Variants in GPR158 observed in about 807,000 individuals in gnomAD.
GPR158 encodes G protein-coupled receptor 158, also known as metabotropic glycine receptor.
Under a neutral mutation model 78.2 loss-of-function variants are expected in GPR158, and 30 were observed. The ratio of observed to expected loss-of-function variants is 0.38; its 90% confidence interval spans 0.29 to 0.52. The LOEUF (loss-of-function observed/expected upper bound fraction) is 0.52. GPR158 is among the 20% of genes least tolerant of loss of function. The pLI is 0.83. For missense variants in GPR158, 1,463 were observed against 1,523.5 expected (o/e 0.96, Z 0.66); for synonymous variants, 581 against 591.1 (o/e 0.98, Z 0.25).
chr10:25,548,917 A>G (rs1369625080), intron 5 of GPR158, among the ~76,000 whole-genome samples: 1 of 152,182 alleles, frequency 6.6e-6, no homozygotes, highest in African/African-American at 2.4e-5. Flanking sequence ...TCTGTGAAAT[A>G]AAAAGTTTGA....
chr10:25,441,260 G>C (rs1220056052), intron 4 of GPR158, among the ~76,000 whole-genome samples: 1 of 152,156 alleles, frequency 6.6e-6, no homozygotes. Flanking sequence ...CTGGCTACCT[G>C]CTTCTATTTA....
intron 5 of GPR158, among the ~76,000 whole-genome samples, chr10:25,529,684 G>C (rs1836397629): frequency 6.6e-6 from 1 of 152,212 alleles, no homozygotes; most frequent in Admixed American, 6.5e-5. Context: ...AAATCACTTA[G>C]ATGTGAAGAT....
chr10:25,242,497 T>C (rs1246448532), intron 2 of GPR158, among the ~76,000 whole-genome samples: 1 of 152,244 alleles, frequency 6.6e-6, no homozygotes, highest in African/African-American at 2.4e-5. Context: ...TTGTCTATGC[T>C]AATAGGAAAG....
At chr10:25,527,113 CATA>C (rs1409072557) in intron 5 of GPR158, among the ~76,000 whole-genome samples, 13 of 151,486 alleles carry the variant, frequency 8.6e-5, no homozygotes, top group African/African-American at 2.9e-4. Flanking sequence ...CATATATGCA[CATA>C]ATAATAGAGC....
chr10:25,246,842 T>C (rs997183006), intron 2 of GPR158, among the ~76,000 whole-genome samples: 1 of 152,222 alleles, frequency 6.6e-6, no homozygotes, highest in East Asian at 1.9e-4. Context: ...ATCCTTTTCA[T>C]AGTACCTTTA....
At chr10:25,421,009 A>G (rs1272341137) in intron 4 of GPR158, among the ~76,000 whole-genome samples, 3 of 152,140 alleles carry the variant, frequency 2.0e-5, no homozygotes, top group Non-Finnish European at 2.9e-5. Flanking sequence ...TATTGCTGGG[A>G]TTTTGATCAA....
chr10:25,579,349 A>G (rs1837154649), intron 7 of GPR158, among the ~76,000 whole-genome samples: 1 of 152,192 alleles, frequency 6.6e-6, no homozygotes, highest in Non-Finnish European at 1.5e-5. Context: ...TAACTGTTAT[A>G]ATTTCACCCC....
At chr10:25,362,819 G>A (rs561152517) in intron 2 of GPR158, among the ~76,000 whole-genome samples, 3 of 151,954 alleles carry the variant, frequency 2.0e-5, no homozygotes, top group South Asian at 2.1e-4. Context: ...TCATTTATTA[G>A]TTCTAACAGA....
At chr10:25,261,215 C>T (rs1320531771) in intron 2 of GPR158, among the ~76,000 whole-genome samples, 2 of 152,100 alleles carry the variant, frequency 1.3e-5, no homozygotes, top group Non-Finnish European at 2.9e-5. Context: ...AGGTTAAGAA[C>T]AACTGCTTAA....
At chr10:25,501,195 C>G (rs991903774) in intron 5 of GPR158, among the ~76,000 whole-genome samples, 2 of 152,012 alleles carry the variant, frequency 1.3e-5, no homozygotes, top group African/African-American at 4.8e-5. Flanking sequence ...AGAGAGTTGC[C>G]GGGAGTGGGA....
At position 25,175,814 on chromosome 10, in the gene GPR158, G is replaced by A. The variant is rs1411470528; in HGVS notation, c.394G>A (p.Ala132Thr). ...LHRALDTLTHATNFLNVMLQS... is the reference protein window; with the variant it reads ...LHRALDTLTHTTNFLNVMLQS... ...CCGGGCGCTGGACACACTGACACAC[G>A]CCACCAACTTCCTCAACGTGATGCT... Residue 132 changes from alanine to threonine, a missense_variant, in exon 1 of 11, where the codon GCC (alanine) becomes ACC (threonine). Physicochemically the swap from Ala to Thr is moderately conservative, Grantham distance 58 (BLOSUM62 0). Transcript: ENST00000376351. This position sits in a 1 kb window ranked among gnomAD's most constrained non-coding sequence, Gnocchi z 6.4. 1 of 1,612,380 alleles carries A rather than the reference G, an allele frequency of 6.2e-7. No individual in the cohort carries two copies. The highest frequency in any genetic ancestry group is 8.5e-7 in the Non-Finnish European group (1 of 1,179,980).
At chr10:25,515,619 G>A (rs910523216) in intron 5 of GPR158, among the ~76,000 whole-genome samples, 38 of 115,466 alleles carry the variant, frequency 3.3e-4, no homozygotes, top group Middle Eastern at 4.3e-3. Context: ...AATATGCGGT[G>A]TTTGGTTTTT....
intron 4 of GPR158, among the ~76,000 whole-genome samples, chr10:25,449,248 G>A (rs933557907): frequency 6.6e-6 from 1 of 152,118 alleles, no homozygotes; most frequent in Non-Finnish European, 1.5e-5. Flanking sequence ...TGATAATGAT[G>A]TCTCATTTTC....
At chr10:25,484,417 C>T (rs1321323978) in intron 5 of GPR158, among the ~76,000 whole-genome samples, 4 of 152,166 alleles carry the variant, frequency 2.6e-5, no homozygotes, top group African/African-American at 9.7e-5. Flanking sequence ...ACCATCATTG[C>T]AGAGAATTTC....
chr10:25,287,391 C>A (rs545128662), intron 2 of GPR158, among the ~76,000 whole-genome samples: 9 of 151,964 alleles, frequency 5.9e-5, no homozygotes, highest in African/African-American at 1.7e-4. Flanking sequence ...TTTTTTGAGT[C>A]TTTTTTTATT....
rs542538917 is a variant in GPR158, at chr10:25,224,054, G to A, written c.1008+2897G>A. On this transcript the variant is annotated intron_variant, in intron 2 of 10. Transcript: ENST00000376351. ...GAGCATTTTAGAAAGGCATGGAATGGTTTGTGAAGAAAATAATCTCTCAGT... is the reference window on the plus strand; with the variant it reads ...GAGCATTTTAGAAAGGCATGGAATGATTTGTGAAGAAAATAATCTCTCAGT... Among the ~76,000 whole-genome samples the A allele has an allele frequency of 2.6e-5, 4 of 152,218 alleles. No individual in the cohort carries two copies. In the East Asian group the frequency reaches 7.7e-4, roughly 29 times the overall value.
intron 4 of GPR158, among the ~76,000 whole-genome samples, chr10:25,412,969 G>A (rs1196551702): frequency 1.3e-5 from 2 of 152,038 alleles, no homozygotes; most frequent in African/African-American, 2.4e-5. Flanking sequence ...TAACAATCCC[G>A]GGAAGAACTT....
intron 4 of GPR158, among the ~76,000 whole-genome samples, chr10:25,456,237 T>C (rs1208776538): frequency 6.6e-6 from 1 of 152,208 alleles, no homozygotes; most frequent in East Asian, 1.9e-4. Context: ...TATCACACTC[T>C]TTTGTATCCT....
intron 2 of GPR158, among the ~76,000 whole-genome samples, chr10:25,295,733 C>A (rs1854503549): frequency 6.6e-6 from 1 of 152,126 alleles, no homozygotes; most frequent in Non-Finnish European, 1.5e-5. Context: ...TTCTTTTATA[C>A]TTCAAATAAA....
Sources: gnomAD v4.1 joint callset for allele counts (sites outside exome capture counted in the v4.1 genomes callset) on GRCh38, gnomAD v4.1.1 for gene constraint, Gnocchi (gnomAD v3.1) non-coding constraint, MANE v1.5 for transcripts, NCBI Gene and HGNC (gene_info 2026-07-23, HGNC 2026-07-21) for gene names.